The following DCC variants were observed in gnomAD, a reference collection of about 807,000 sequenced individuals.
The protein encoded by DCC is DCC netrin 1 receptor.
Under a neutral mutation model 172.5 loss-of-function variants are expected in DCC, and 58 were observed. That is an observed-to-expected ratio of 0.34 (90% CI 0.27 to 0.42). The LOEUF (loss-of-function observed/expected upper bound fraction) is 0.42. DCC is among the 10% of genes least tolerant of loss of function. The pLI is 1.00. For missense variants in DCC, 1,740 were observed against 1,791.0 expected, an observed-to-expected ratio of 0.97 and a Z score of 0.51; for synonymous variants, 709 against 644.5, an observed-to-expected ratio of 1.10 and a Z score of -1.52.
intron 1 of DCC, among the ~76,000 whole-genome samples, chr18:52,571,480 G>C (rs926003310): frequency 1.5e-4 from 23 of 152,014 alleles, no homozygotes; most frequent in Non-Finnish European, 3.2e-4. Context: ...AAAATTGATA[G>C]AACAAAACTT....
At chr18:52,600,815 A>T (rs75603999) in intron 1 of DCC, among the ~76,000 whole-genome samples, 16,583 of 152,170 alleles carry the variant, frequency 0.11, 1,156 homozygotes, top group Non-Finnish European at 0.15. Context: ...TGTTCATGTT[A>T]GGCTTCTGCC....
intron 1 of DCC, among the ~76,000 whole-genome samples, chr18:52,744,518 T>G (rs1348290996): frequency 6.6e-6 from 1 of 152,252 alleles, no homozygotes; most frequent in Non-Finnish European, 1.5e-5. Flanking sequence ...GGCTTTAAAG[T>G]GTTAGTCTCT....
At chr18:52,729,253 T>C (rs1402126246) in intron 1 of DCC, among the ~76,000 whole-genome samples, 1 of 152,146 alleles carries the variant, frequency 6.6e-6, no homozygotes, top group Non-Finnish European at 1.5e-5. Context: ...TTGTCTTCTC[T>C]TTCCTTTTAT....
chr18:52,691,902 T>C (rs757375596), intron 1 of DCC, among the ~76,000 whole-genome samples: 7 of 152,190 alleles, frequency 4.6e-5, no homozygotes, highest in Non-Finnish European at 8.8e-5. Flanking sequence ...GACCTGGCTT[T>C]TTATATCAAT....
intron 3 of DCC, among the ~76,000 whole-genome samples, chr18:52,910,052 TG>T (rs967445182): frequency 2.6e-5 from 4 of 152,076 alleles, no homozygotes; most frequent in African/African-American, 9.7e-5. Context: ...GGGAAGAAGC[TG>T]GAAAGAAGGG....
chr18:53,490,047 C>G (rs1396036078), intron 26 of DCC, among the ~76,000 whole-genome samples: 1 of 152,142 alleles, frequency 6.6e-6, no homozygotes, highest in Admixed American at 6.6e-5. Context: ...AAGTGATTTC[C>G]ACTCTTCCTT....
chr18:52,659,277 G>A (rs2035313320), intron 1 of DCC, among the ~76,000 whole-genome samples: 2 of 152,044 alleles, frequency 1.3e-5, no homozygotes, highest in Non-Finnish European at 2.9e-5. Flanking sequence ...GGGAGTAAAT[G>A]ATAATCCAAA....
intron 1 of DCC, among the ~76,000 whole-genome samples, chr18:52,353,760 C>A (rs939926188): frequency 6.6e-6 from 1 of 152,164 alleles, no homozygotes; most frequent in Non-Finnish European, 1.5e-5. Context: ...GTCTCAGCTG[C>A]GCAGATTGGA....
chr18:52,808,863 G>C (rs886529906), intron 2 of DCC, among the ~76,000 whole-genome samples: 12 of 152,102 alleles, frequency 7.9e-5, no homozygotes, highest in African/African-American at 2.7e-4. Context: ...GGATGGTCTG[G>C]ACCTATGAGA....
intron 2 of DCC, among the ~76,000 whole-genome samples, chr18:52,855,112 T>G (rs956221286): frequency 6.6e-6 from 1 of 152,218 alleles, no homozygotes; most frequent in African/African-American, 2.4e-5. Context: ...GGAGCTCTTG[T>G]GTGAATAGCC....
intron 7 of DCC, among the ~76,000 whole-genome samples, chr18:53,100,985 G>A (rs562511446): frequency 6.6e-6 from 1 of 152,218 alleles, no homozygotes; most frequent in East Asian, 1.9e-4. Flanking sequence ...AGGAAGACAT[G>A]CACCCTTTAA....
intron 15 of DCC, among the ~76,000 whole-genome samples, chr18:53,376,244 C>T (rs1428564839): frequency 2.6e-5 from 4 of 151,856 alleles, no homozygotes; most frequent in South Asian, 4.2e-4. Context: ...ATCAGCCGGG[C>T]GTGTTGGTGG....
At chr18:52,695,325 CTTTA>C (rs1432339333) in intron 1 of DCC, among the ~76,000 whole-genome samples, 1 of 151,996 alleles carries the variant, frequency 6.6e-6, no homozygotes, top group Non-Finnish European at 1.5e-5. Context: ...TTATGTAATC[CTTTA>C]TTTGAGTGTT....
At chr18:52,630,577 C>T (rs781594926) in intron 1 of DCC, among the ~76,000 whole-genome samples, 14 of 151,934 alleles carry the variant, frequency 9.2e-5, no homozygotes, top group Non-Finnish European at 1.6e-4. Context: ...AAATGAAGTC[C>T]CATGCAAAGC....
At chr18:52,471,712 C>T (rs147407438) in intron 1 of DCC, among the ~76,000 whole-genome samples, 610 of 152,266 alleles carry the variant, frequency 4.0e-3, no homozygotes, top group Non-Finnish European at 6.6e-3. Context: ...ATGCAGCTTC[C>T]GCTCACAGGT....
chr18:52,529,536 C>T (rs868656015), intron 1 of DCC, among the ~76,000 whole-genome samples: 4 of 152,252 alleles, frequency 2.6e-5, no homozygotes, highest in East Asian at 1.9e-4. Context: ...GTGATCCACC[C>T]GCCTCGGCCT....
intron 1 of DCC, among the ~76,000 whole-genome samples, chr18:52,663,131 A>G (rs749684626): frequency 3.4e-4 from 52 of 152,210 alleles, no homozygotes; most frequent in Non-Finnish European, 1.0e-4. Context: ...GTCTTAGGAG[A>G]AACAATTTTC....
intron 7 of DCC, among the ~76,000 whole-genome samples, chr18:53,132,135 C>A (rs2043666281): frequency 6.6e-6 from 1 of 151,858 alleles, no homozygotes; most frequent in Admixed American, 6.6e-5. Flanking sequence ...GGCATAATCA[C>A]CAACTGCCAA....
At chr18:52,834,404 A>G (rs1386363590) in intron 2 of DCC, among the ~76,000 whole-genome samples, 1 of 152,218 alleles carries the variant, frequency 6.6e-6, no homozygotes, top group African/African-American at 2.4e-5. Context: ...AATTTACTAA[A>G]TCAGGGACTC....
Sources: allele counts gnomAD v4.1 joint callset (sites outside exome capture counted in the v4.1 genomes callset), GRCh38; gene constraint gnomAD v4.1.1; transcripts MANE v1.5; gene names NCBI Gene and HGNC (gene_info 2026-07-23, HGNC 2026-07-21).